Variants in C11orf65 observed in about 807,000 individuals in gnomAD.
C11orf65 encodes chromosome 11 open reading frame 65, also known as protein MFI.
Under a neutral mutation model 35.3 loss-of-function variants are expected in C11orf65, and 38 were observed. That is an observed-to-expected ratio of 1.08 (90% CI 0.83 to 1.41). The LOEUF is 1.41. C11orf65 is among the 40% of genes most tolerant of loss of function. The pLI is 0.00. For synonymous variants in C11orf65, 105 were observed against 114.4 expected (o/e 0.92, Z 0.53); for missense variants, 370 against 367.1 (o/e 1.01, Z -0.06).
chr11:108,345,855 T>G lies in C11orf65; in HGVS notation c.227-10563A>C, dbSNP rs1591265172. The G allele has an allele frequency of 6.2e-7, 1 of 1,613,898 alleles. No individual in the cohort carries two copies. The highest frequency in any genetic ancestry group is 8.5e-7 in the Non-Finnish European group (1 of 1,179,856). Reference sequence around the variant, plus strand: ...ATGGAAAAATTCTTGGATCCAGCTATTTGGTTTGAGAAGCGATTGGCTTAT... The same window carrying G: ...ATGGAAAAATTCTTGGATCCAGCTAGTTGGTTTGAGAAGCGATTGGCTTAT... On this transcript the variant is annotated intron_variant, in intron 2 of 3. Transcript: ENST00000524755.
intron 2 of C11orf65, chr11:108,343,422 T>C: frequency 6.2e-7 from 1 of 1,603,064 alleles, no homozygotes; most frequent in Non-Finnish European, 8.5e-7. Context: ...TAATGGCTTA[T>C]TAAAGCTGAC....
chr11:108,451,737 G>A (rs371761576), intron 2 of C11orf65, among the ~76,000 whole-genome samples: 9 of 152,100 alleles, frequency 5.9e-5, no homozygotes, highest in African/African-American at 1.7e-4. Context: ...GAGGCATCAC[G>A]CTACCTGACT....
intron 2 of C11orf65, among the ~76,000 whole-genome samples, chr11:108,454,989 T>G (rs1433925495): frequency 2.0e-5 from 3 of 152,240 alleles, no homozygotes; most frequent in Non-Finnish European, 4.4e-5. Context: ...TTTCTTGTTT[T>G]GTGATGTAGG....
intron 3 of C11orf65, among the ~76,000 whole-genome samples, chr11:108,408,742 A>C (rs958256343): frequency 6.9e-5 from 10 of 145,444 alleles, no homozygotes. Flanking sequence ...ATGATATAAG[A>C]ATTGTATATA....
Position 108,403,352 on chromosome 11 carries a change from A to T in C11orf65, c.560+2077T>A, listed in dbSNP as rs117927843. ...GCTAATTTGCTAGGTATGTATCTTC[A>T]CTGATGGAGTGTTTATTCAAATTTT... is the stretch of plus-strand genomic sequence containing the variant. On this transcript the variant is annotated intron_variant, in intron 6 of 8. Transcript: ENST00000393084. Among the ~76,000 whole-genome samples, 27 of 146,982 alleles carry T rather than the reference A, an allele frequency of 1.8e-4. No individual in the cohort carries two copies. In the East Asian group the frequency reaches 5.3e-3, roughly 29 times the overall value.
At chr11:108,377,396 T>C (rs1272519568) in intron 2 of C11orf65, among the ~76,000 whole-genome samples, 2 of 152,130 alleles carry the variant, frequency 1.3e-5, no homozygotes, top group African/African-American at 4.8e-5. Flanking sequence ...ATTATCTCAA[T>C]AGATGCAGAA....
intron 6 of C11orf65, among the ~76,000 whole-genome samples, chr11:108,399,822 A>C (rs1205404393): frequency 1.3e-5 from 2 of 152,156 alleles, no homozygotes; most frequent in Non-Finnish European, 2.9e-5. Flanking sequence ...TTGGTATCTT[A>C]TTGTCAAGCA....
chr11:108,308,554 G>T, exon 7 of C11orf65: 1 of 186,096 alleles, frequency 5.4e-6, no homozygotes, highest in South Asian at 1.1e-4. Context: ...GAAATTGCTA[G>T]AATGGATGGT....
intron 3 of C11orf65, among the ~76,000 whole-genome samples, chr11:108,424,063 C>T (rs981136805): frequency 6.6e-6 from 1 of 152,216 alleles, no homozygotes. Flanking sequence ...ATGAGTTAGA[C>T]GAATTGACAG....
At chr11:108,423,648 C>G (rs1470237248) in intron 3 of C11orf65, among the ~76,000 whole-genome samples, 1 of 152,178 alleles carries the variant, frequency 6.6e-6, no homozygotes, top group Non-Finnish European at 1.5e-5. Context: ...ACAGACACCT[C>G]ATATAGGAGA....
At chr11:108,335,641 G>GAATT (rs1293299946) in intron 2 of C11orf65, among the ~76,000 whole-genome samples, 1 of 152,108 alleles carries the variant, frequency 6.6e-6, no homozygotes, top group Non-Finnish European at 1.5e-5. Context: ...CAGAAGTAGC[G>GAATT]AGGGGAAACT....
intron 3 of C11orf65, among the ~76,000 whole-genome samples, chr11:108,426,682 G>A (rs1365626901): frequency 2.0e-5 from 3 of 151,514 alleles, no homozygotes; most frequent in East Asian, 1.9e-4. Context: ...AAAAAAACCT[G>A]TATAGCCAAG....
At position 108,325,554 on chromosome 11, in the gene C11orf65, A is replaced by G. The variant is rs924117395; in HGVS notation, c.641-16483T>C. On this transcript the variant is annotated intron_variant, in intron 6 of 6. Transcript: ENST00000525729. ...TTTCAAGAACACTCAGGTAAATACAATTTAAAACTATGTCATCTTACCTCT... is the reference window on the plus strand; with the variant it reads ...TTTCAAGAACACTCAGGTAAATACAGTTTAAAACTATGTCATCTTACCTCT... 5.7e-6 allele frequency: 9 copies of G among 1,574,588 alleles called. No individual in the cohort carries two copies. The highest frequency in any genetic ancestry group is 1.7e-5 in the Admixed American group (1 of 59,970).
At chr11:108,330,091 GTTTGC>G (rs2086094290), downstream of C11orf65, 3 of 972,256 alleles carry the variant, frequency 3.1e-6, no homozygotes, top group South Asian at 1.4e-5. Context: ...ATCCTTAGAA[GTTTGC>G]TTTTTTCCCT....
chr11:108,450,408 A>C (rs1449006432), intron 2 of C11orf65, among the ~76,000 whole-genome samples: 1 of 151,812 alleles, frequency 6.6e-6, no homozygotes, highest in Non-Finnish European at 1.5e-5. Flanking sequence ...GATTAAGAAA[A>C]TGTGGCACAT....
At chr11:108,337,970 G>T (rs1032641581) in intron 2 of C11orf65, among the ~76,000 whole-genome samples, 1 of 152,262 alleles carries the variant, frequency 6.6e-6, no homozygotes, top group Non-Finnish European at 1.5e-5. Flanking sequence ...CTTGAAAGCA[G>T]AAATTACTGA....
At position 108,382,856 on chromosome 11, in the gene C11orf65, T is replaced by G; in HGVS notation, c.*165A>C. 1 of 1,444,458 alleles carries G rather than the reference T, an allele frequency of 6.9e-7. No individual in the cohort carries two copies. The highest frequency in any genetic ancestry group is 2.3e-4 in the Middle Eastern group (1 of 4,266). 89.5% of individuals were successfully genotyped at this position (1,444,458 alleles called of 1,614,324 possible). On this transcript the variant is annotated 3_prime_UTR_variant, in exon 9 of 9. Transcript: ENST00000393084. Reference sequence around the variant, plus strand: ...TCTATATTTGCCATGATCATTGTATTCAGTCCAGTGTTCTATTTCTGCTCA... The same window carrying G: ...TCTATATTTGCCATGATCATTGTATGCAGTCCAGTGTTCTATTTCTGCTCA...
At chr11:108,395,044 T>C (rs1282061724) in intron 6 of C11orf65, among the ~76,000 whole-genome samples, 1 of 151,904 alleles carries the variant, frequency 6.6e-6, no homozygotes, top group African/African-American at 2.4e-5. Flanking sequence ...GGTGGGAGAA[T>C]TGTTTGAGCC....
At chr11:108,337,794 T>C (rs1241088594) in intron 2 of C11orf65, among the ~76,000 whole-genome samples, 3 of 152,248 alleles carry the variant, frequency 2.0e-5, no homozygotes, top group Non-Finnish European at 4.4e-5. Context: ...ACCAAACTTT[T>C]AGATGACAAA....
Sources: gnomAD v4.1 joint callset for allele counts (sites outside exome capture counted in the v4.1 genomes callset) on GRCh38, gnomAD v4.1.1 for gene constraint, MANE v1.5 for transcripts, NCBI Gene and HGNC (gene_info 2026-07-23, HGNC 2026-07-21) for gene names.